Variants in TBCD observed in about 807,000 individuals in gnomAD.
TBCD encodes tubulin folding cofactor D, also known as tubulin-specific chaperone D.
In TBCD, 105 loss-of-function variants were observed where a neutral mutation model predicts 169.3. The observed-to-expected ratio is 0.62, with a 90% confidence interval of 0.53 to 0.73. TBCD has a LOEUF of 0.73. Ranked by LOEUF, TBCD falls within the 30% of genes least tolerant of loss-of-function variation. The pLI is 0.00. For missense variants in TBCD, 1,444 were observed against 1,600.1 expected, an observed-to-expected ratio of 0.90 and a Z score of 1.66; for synonymous variants, 700 against 643.9, an observed-to-expected ratio of 1.09 and a Z score of -1.32.
chr17:82,854,712 A>T (rs2056105022), intron 13 of TBCD, among the ~76,000 whole-genome samples: 1 of 152,210 alleles, frequency 6.6e-6, no homozygotes, highest in Non-Finnish European at 1.5e-5. Context: ...TGCTGGAGTG[A>T]GTGCCAGAGA....
At chr17:82,873,582 C>G (rs544142082) in intron 14 of TBCD, among the ~76,000 whole-genome samples, 1 of 152,186 alleles carries the variant, frequency 6.6e-6, no homozygotes, top group Non-Finnish European at 1.5e-5. Context: ...AGAAAAGTCA[C>G]GAGCAAGAAA....
intron 38 of TBCD, 85 bp downstream of exon 38, chr17:82,941,568 C>CT: frequency 8.0e-7 from 1 of 1,249,380 alleles, no homozygotes; most frequent in Non-Finnish European, 1.1e-6. Context: ...TGCTTAGCTT[C>CT]TGCCAGCACG....
intron 4 of TBCD, 132 bp downstream of exon 4, chr17:82,766,500 T>C (rs1277852604): frequency 2.6e-5 from 14 of 542,368 alleles, no homozygotes; most frequent in Non-Finnish European, 4.2e-5. Flanking sequence ...GTCACTCCTC[T>C]TTTCTTTCTT....
At position 82,805,864 on chromosome 17, in the gene TBCD, G is replaced by A. The variant is rs2050921949; in HGVS notation, c.951-11G>A. 6 of 1,600,908 alleles carry A rather than the reference G, an allele frequency of 3.7e-6. No individual in the cohort carries two copies. The African/African-American group carries it at 6.7e-5, about 18-fold the overall frequency. On this transcript the variant is annotated splice_polypyrimidine_tract_variant and intron_variant, in intron 9 of 38. Transcript: ENST00000355528. ...TACAAAGCTGATCTGAGGATGCTTT[G>A]CTTTGCACAGGTACCAGCGTGGCTG...
intron 28 of TBCD, 130 bp downstream of exon 28, chr17:82,926,621 G>A: frequency 1.3e-6 from 1 of 743,410 alleles, no homozygotes; most frequent in Non-Finnish European, 2.2e-6. Context: ...CTCTTCCAGA[G>A]GATCGTCAGT....
chr17:82,941,157 C>T (rs762629650), intron 37 of TBCD, among the ~76,000 whole-genome samples: 13 of 152,244 alleles, frequency 8.5e-5, no homozygotes, highest in Non-Finnish European at 1.8e-4. Context: ...TGGTCCTTCC[C>T]GAGGGGCACC....
chr17:82,866,547 C>A (rs1470460483), intron 13 of TBCD, among the ~76,000 whole-genome samples: 1 of 152,256 alleles, frequency 6.6e-6, no homozygotes, highest in Admixed American at 6.5e-5. Context: ...GCCCTGACGT[C>A]TCTTGCGGGT....
At position 82,893,551 on chromosome 17, in the gene TBCD, C is replaced by T; in HGVS notation, c.1568C>T (p.Thr523Ile). The T allele has an allele frequency of 6.2e-7, 1 of 1,607,188 alleles. No homozygotes were observed. Among genetic ancestry groups the T allele is most frequent in the East Asian group, 2.2e-5 (1 of 44,838 alleles). Residue 523 changes from threonine (T) to isoleucine (I), a missense_variant, in exon 17 of 39, where the codon ACT (threonine) becomes ATT (isoleucine). By Grantham distance (89) the Thr-to-Ile change is moderately conservative (BLOSUM62 -1). Transcript: ENST00000355528. ...AFQENVGRQG[T>I]FPHGIDILTT... ...CCATTTCCACTTTCTTATTAGGGCACTTTCCCTCATGGTATTGATATTTTG... is the reference window on the plus strand; with the variant it reads ...CCATTTCCACTTTCTTATTAGGGCATTTTCCCTCATGGTATTGATATTTTG...
At chr17:82,848,578 G>A (rs1281093902) in intron 13 of TBCD, among the ~76,000 whole-genome samples, 2 of 152,200 alleles carry the variant, frequency 1.3e-5, no homozygotes, top group South Asian at 4.1e-4. Flanking sequence ...AGTTTATTCA[G>A]AGGGTGCCTC....
chr17:82,862,155 CTCA>C (rs1440360560), intron 13 of TBCD, among the ~76,000 whole-genome samples: 1 of 152,152 alleles, frequency 6.6e-6, no homozygotes, highest in East Asian at 1.9e-4. Context: ...ATCTCCTGAC[CTCA>C]TGATCTGCCC....
At chr17:82,919,094 T>G (rs1426288060) in intron 23 of TBCD, among the ~76,000 whole-genome samples, 1 of 151,996 alleles carries the variant, frequency 6.6e-6, no homozygotes, top group Non-Finnish European at 1.5e-5. Flanking sequence ...TTTAGAAATT[T>G]TCAAATCTGC....
intron 37 of TBCD, among the ~76,000 whole-genome samples, chr17:82,940,219 GCGCACACA>G (rs1183070241): frequency 1.1e-5 from 1 of 94,524 alleles, no homozygotes; most frequent in Admixed American, 1.1e-4. Flanking sequence ...ACTTGCACGC[GCGCACACA>G]CACACACACA....
chr17:82,761,711 T>C (rs1326841959), intron 2 of TBCD, among the ~76,000 whole-genome samples: 1 of 67,744 alleles, frequency 1.5e-5, no homozygotes, highest in East Asian at 5.2e-4. Flanking sequence ...TAAATCACAA[T>C]TTGTTTCTTC....
At position 82,836,698 on chromosome 17, in the gene TBCD, A is replaced by C. The variant is rs539352139; in HGVS notation, c.1318+21764A>C. On this transcript the variant is annotated intron_variant, in intron 13 of 38. Coordinates refer to ENST00000355528, the MANE Select transcript of TBCD (RefSeq NM_005993.5). The stretch of plus-strand genomic sequence containing the variant: ...CTGATACTTTTAGGCAAAAAAAAAA[A>C]CAAAACAAAACAAAACCAAAAAACA... Among the ~76,000 whole-genome samples the C allele has an allele frequency of 6.3e-5, 9 of 143,230 alleles. No homozygotes were observed. The East Asian group carries it at 7.7e-4, about 12-fold the overall frequency. The allele number at this position is 143,230 out of a possible 152,430, so 94.0% of individuals were successfully genotyped here. A position where few individuals can be genotyped will look rare whatever the true frequency, so the allele number is the denominator to read the frequency against.
At chr17:82,863,451 G>A (rs909581759) in intron 13 of TBCD, among the ~76,000 whole-genome samples, 2 of 152,226 alleles carry the variant, frequency 1.3e-5, no homozygotes, top group African/African-American at 4.8e-5. Context: ...GGCTTAAGCA[G>A]TTCTGAAAAA....
Position 82,920,884 on chromosome 17 carries a change from T to G in TBCD, c.2101+266T>G. On this transcript the variant is annotated intron_variant, in intron 24 of 38. Transcript: ENST00000355528. This position sits in a 1 kb window ranked among gnomAD's most constrained non-coding sequence, Gnocchi z 4.1. ...CGCTTCCATGCCCAGGGCCCGGCAC[T>G]CTGGGTCAGTTCTTCTCCCAGGCAG... The G allele has an allele frequency of 2.1e-6, 1 of 478,650 alleles. No individual in the cohort carries two copies. The highest frequency in any genetic ancestry group is 4.0e-5 in the East Asian group (1 of 25,314). 29.7% of individuals were successfully genotyped at this position (478,650 alleles called of 1,614,324 possible).
Position 82,943,143 on chromosome 17 carries a change from T to C in TBCD, c.*680T>C, listed in dbSNP as rs1258755254. The C allele has an allele frequency of 6.5e-6, 1 of 152,750 alleles. No individual in the cohort carries two copies. The highest frequency in any genetic ancestry group is 1.5e-5 in the Non-Finnish European group (1 of 68,426). The allele number at this position is 152,750 out of a possible 1,614,324, so 9.5% of individuals were successfully genotyped here. On this transcript the variant is annotated 3_prime_UTR_variant, in exon 39 of 39. Coordinates refer to ENST00000355528, the MANE Select transcript of TBCD (RefSeq NM_005993.5). ...AGGGGAATCGTCAGAGTCCAATGTGTGCCTCTACAGTAATGTCGGAAATAA... is the reference window on the plus strand; with the variant it reads ...AGGGGAATCGTCAGAGTCCAATGTGCGCCTCTACAGTAATGTCGGAAATAA...
intron 13 of TBCD, among the ~76,000 whole-genome samples, chr17:82,862,736 T>C (rs1006073000): frequency 2.6e-5 from 4 of 152,236 alleles, no homozygotes; most frequent in African/African-American, 9.6e-5. Flanking sequence ...CTGCCGTGAG[T>C]TGGCCTCTCT....
In TBCD at chr17:82,884,901, C is replaced by T. The variant is rs527309258; in HGVS notation, c.1533+699C>T. 6.6e-6 allele frequency: 1 copy of T among 152,276 alleles called. No homozygotes were observed. Among genetic ancestry groups the T allele is most frequent in the Non-Finnish European group, 1.5e-5 (1 of 68,158 alleles). 9.4% of individuals were successfully genotyped at this position (152,276 alleles called of 1,614,324 possible). Reference sequence around the variant, plus strand: ...AGTCTCAAGATAAGAGTCTTTATTTCAGATACAGATAAGACGCTGAACACG... The same window carrying T: ...AGTCTCAAGATAAGAGTCTTTATTTTAGATACAGATAAGACGCTGAACACG... On this transcript the variant is annotated intron_variant, in intron 15 of 38. Coordinates refer to ENST00000355528, the MANE Select transcript of TBCD (RefSeq NM_005993.5). This position sits in a 1 kb window ranked among gnomAD's most constrained non-coding sequence, Gnocchi z 4.2.
Sources: allele counts gnomAD v4.1 joint callset (sites outside exome capture counted in the v4.1 genomes callset), GRCh38; gene constraint gnomAD v4.1.1; non-coding constraint Gnocchi (gnomAD v3.1); transcripts MANE v1.5; gene names NCBI Gene and HGNC (gene_info 2026-07-23, HGNC 2026-07-21).